Variants in POLE4 observed in about 807,000 individuals in gnomAD.
The protein encoded by POLE4 is DNA polymerase epsilon subunit 4.
Under a neutral mutation model 15.6 loss-of-function variants are expected in POLE4, and 15 were observed. The ratio of observed to expected loss-of-function variants is 0.96; its 90% CI spans 0.64 to 1.48. POLE4 has a LOEUF of 1.48. Among genes scored for constraint, POLE4 ranks in the 40% most tolerant of loss-of-function variants. The pLI is 0.00. For missense variants in POLE4, 205 were observed against 151.9 expected, an observed-to-expected ratio of 1.35 and a Z score of -1.84; for synonymous variants, 83 against 63.2, an observed-to-expected ratio of 1.31 and a Z score of -1.49.
rs1448058049 is a variant in POLE4 at position 74,958,906 on chromosome 2, G to T, written c.213+14G>T. 18 of 1,550,208 alleles carry T rather than the reference G, an allele frequency of 1.2e-5. 1 individual carries two copies. In the South Asian group the frequency reaches 1.5e-4, roughly 13 times the overall value. ...GCACGAGCCGCGGTGCGCCTGCAGC[G>T]CGAGGGCATGCGGGAGTGGGGGAGG... On this transcript the variant is annotated intron_variant, in intron 1 of 3. Coordinates refer to ENST00000483063, the MANE Select transcript of POLE4 (RefSeq NM_019896.4).
chr2:74,969,533 G>T lies in POLE4; in HGVS notation c.*111G>T, dbSNP rs978117569. On this transcript the variant is annotated 3_prime_UTR_variant, in exon 4 of 4. Transcript: ENST00000483063. The stretch of plus-strand genomic sequence containing the variant: ...CTTTGCACTTACACACACTCTTCCT[G>T]TTCTGCCTTCACCTATGCCGGGATA... 3.1e-6 allele frequency: 3 copies of T among 958,328 alleles called. No homozygotes were observed. Among genetic ancestry groups the T allele is most frequent in the African/African-American group, 3.2e-5 (2 of 62,358 alleles). 59.4% of individuals were successfully genotyped at this position (958,328 alleles called of 1,614,324 possible). A position where few individuals can be genotyped will look rare whatever the true frequency, so the allele number is the denominator to read the frequency against.
chr2:74,961,378 A>G (rs1671218820), intron 3 of POLE4: 1 of 152,062 alleles, frequency 6.6e-6, no homozygotes, highest in African/African-American at 2.4e-5. Context: ...TAATTTGCAG[A>G]TTTTTCTTCA....
Position 74,958,692 on chromosome 2 carries a change from G to T in POLE4, c.13G>T (p.Ala5Ser), listed in dbSNP as rs1290998626. 1.6e-5 allele frequency: 24 copies of T among 1,469,736 alleles called. No homozygotes were observed. Among genetic ancestry groups the T allele is most frequent in the Non-Finnish European group, 2.2e-5 (24 of 1,116,240 alleles). The allele number at this position is 1,469,736 out of a possible 1,614,324, so 91.0% of individuals were successfully genotyped here. The part of the protein sequence containing the change: MAAA[A>S]AAGSGTPREE... Reference sequence around the variant, plus strand: ...GCTCAAGGCCGGGATGGCGGCGGCGGCGGCGGCAGGAAGCGGGACGCCCCG... The same window carrying T: ...GCTCAAGGCCGGGATGGCGGCGGCGTCGGCGGCAGGAAGCGGGACGCCCCG... Residue 5 changes from alanine (A) to serine (S), a missense_variant, in exon 1 of 4, where the codon GCG becomes TCG. Transcript: ENST00000483063.
In POLE4 at chr2:74,969,452, C is replaced by T; in HGVS notation, c.*30C>T. ...CGAGCGGGGCAGTTTTGTGAGCCTTCATCTGAAGCCTTCAGTTCACCCCTC... is the reference window on the plus strand; with the variant it reads ...CGAGCGGGGCAGTTTTGTGAGCCTTTATCTGAAGCCTTCAGTTCACCCCTC... On this transcript the variant is annotated 3_prime_UTR_variant, in exon 4 of 4. Transcript: ENST00000483063. The T allele has an allele frequency of 6.2e-7, 1 of 1,610,234 alleles. No individual in the cohort carries two copies. The highest frequency in any genetic ancestry group is 8.5e-7 in the Non-Finnish European group (1 of 1,176,474).
At chr2:74,960,920 C>G in intron 3 of POLE4, 1 of 237,692 alleles carries the variant, frequency 4.2e-6, no homozygotes, top group Admixed American at 4.6e-5. Context: ...CCTCATGTTA[C>G]AGTTGCCTAC....
intron 3 of POLE4, among the ~76,000 whole-genome samples, chr2:74,962,154 C>T (rs1671228659): frequency 6.6e-6 from 1 of 152,118 alleles, no homozygotes; most frequent in African/African-American, 2.4e-5. Flanking sequence ...CCATAAATCC[C>T]CTGCTGTCTT....
intron 3 of POLE4, among the ~76,000 whole-genome samples, chr2:74,965,357 C>T (rs1356873759): frequency 6.6e-6 from 1 of 152,152 alleles, no homozygotes; most frequent in Non-Finnish European, 1.5e-5. Flanking sequence ...CCTCAGCCTC[C>T]CAAAGTGTTG....
At chr2:74,959,479 C>T (rs1388972022) in intron 2 of POLE4, 54 bp downstream of exon 2, 22 of 1,175,380 alleles carry the variant, frequency 1.9e-5, no homozygotes, top group Non-Finnish European at 2.5e-5. Context: ...GGGCTGGTTT[C>T]CCCTTGTGCA....
Position 74,958,862 on chromosome 2 carries a change from G to A in POLE4, c.183G>A (p.Gln61=), listed in dbSNP as rs1221229443. ...ATCCCGACGTGACGCTAGCGGGACA[G>A]GAAGCCATCTTCATTCTGGCACGAG... ...KADPDVTLAG[Q]EAIFILARAA... Residue 61 remains glutamine, a synonymous_variant, in exon 1 of 4, where the codon CAG becomes CAA. Transcript: ENST00000483063. 3 of 1,561,138 alleles carry A rather than the reference G, an allele frequency of 1.9e-6. No homozygotes were observed. The highest frequency in any genetic ancestry group is 1.4e-5 in the African/African-American group (1 of 73,616).
Position 74,969,552 on chromosome 2 carries a change from C to A in POLE4, c.*130C>A. 1 of 849,222 alleles carries A rather than the reference C, an allele frequency of 1.2e-6. No individual in the cohort carries two copies. Among genetic ancestry groups the A allele is most frequent in the Non-Finnish European group, 2.0e-6 (1 of 488,376 alleles). 52.6% of individuals were successfully genotyped at this position (849,222 alleles called of 1,614,324 possible). A position where few individuals can be genotyped will look rare whatever the true frequency, so the allele number is the denominator to read the frequency against. Reference sequence around the variant, plus strand: ...CTTCCTGTTCTGCCTTCACCTATGCCGGGATAAGCAGAGATCTCATCAATT... The same window carrying A: ...CTTCCTGTTCTGCCTTCACCTATGCAGGGATAAGCAGAGATCTCATCAATT... On this transcript the variant is annotated 3_prime_UTR_variant, in exon 4 of 4. Coordinates refer to ENST00000483063, the MANE Select transcript of POLE4 (RefSeq NM_019896.4).
At chr2:74,964,858 C>T (rs1364493669) in intron 3 of POLE4, among the ~76,000 whole-genome samples, 1 of 151,986 alleles carries the variant, frequency 6.6e-6, no homozygotes, top group African/African-American at 2.4e-5. Context: ...CCCTACTGAA[C>T]TGGCTAGAAT....
Position 74,969,553 on chromosome 2 carries a change from G to A in POLE4, c.*131G>A, listed in dbSNP as rs1056687378. 1.1e-5 allele frequency: 9 copies of A among 837,840 alleles called. No individual in the cohort carries two copies. Among genetic ancestry groups the A allele is most frequent in the Admixed American group, 1.7e-5 (1 of 57,716 alleles). The allele number at this position is 837,840 out of a possible 1,614,324, so 51.9% of individuals were successfully genotyped here. A position where few individuals can be genotyped will look rare whatever the true frequency, so the allele number is the denominator to read the frequency against. On this transcript the variant is annotated 3_prime_UTR_variant, in exon 4 of 4. Transcript: ENST00000483063. ...TTCCTGTTCTGCCTTCACCTATGCC[G>A]GGATAAGCAGAGATCTCATCAATTA...
rs72822159 is a variant in POLE4 at position 74,960,635 on chromosome 2, A to G, written c.340+489A>G. The G allele has an allele frequency of 6.6e-3, 3,108 of 474,266 alleles. 14 individuals are homozygous for G. The highest frequency in any genetic ancestry group is 9.2e-3 in the Non-Finnish European group (2,168 of 235,668). 29.4% of individuals were successfully genotyped at this position (474,266 alleles called of 1,614,324 possible). A position where few individuals can be genotyped will look rare whatever the true frequency, so the allele number is the denominator to read the frequency against. ...TACTAACTAAATTTTGTCATTAAAA[A>G]AGAAAATATTTGAAATACCTAATTT... On this transcript the variant is annotated intron_variant, in intron 3 of 3. Transcript: ENST00000483063.
At chr2:74,959,636 C>T (rs951194269) in intron 2 of POLE4, 9 of 510,836 alleles carry the variant, frequency 1.8e-5, no homozygotes, top group Admixed American at 1.1e-4. Context: ...CTGGGGTTGC[C>T]GTAGCGGACT....
At chr2:74,958,935 A>G (rs1399852990) in intron 1 of POLE4, 43 bp downstream of exon 1, 12 of 1,214,204 alleles carry the variant, frequency 9.9e-6, no homozygotes, top group East Asian at 7.1e-5. Flanking sequence ...GGGGAGGTGG[A>G]GTGTGGGGCG....
chr2:74,966,605 A>G (rs192896596), intron 3 of POLE4, among the ~76,000 whole-genome samples: 2 of 152,112 alleles, frequency 1.3e-5, no homozygotes, highest in African/African-American at 4.8e-5. Flanking sequence ...GGGTTTCACC[A>G]TGTTGACCAG....
intron 1 of POLE4, 37 bp downstream of exon 1, chr2:74,958,929 A>AGGTGGAGTGTGGGGC (rs1671169400): frequency 7.8e-7 from 1 of 1,287,554 alleles, no homozygotes; most frequent in African/African-American, 1.6e-5. Flanking sequence ...GGAGTGGGGG[A>AGGTGGAGTGTGGGGC]GGTGGAGTGT....
chr2:74,960,208 A>G (rs1229914428), intron 3 of POLE4, 62 bp downstream of exon 3: 1 of 1,312,362 alleles, frequency 7.6e-7, no homozygotes. Flanking sequence ...TGTGAAATTC[A>G]AAATCTCATA....
chr2:74,959,094 G>A, intron 1 of POLE4: 2 of 612,812 alleles, frequency 3.3e-6, no homozygotes, highest in South Asian at 4.0e-5. Flanking sequence ...CCTGGATAGT[G>A]AGTGACTTTA....
Sources: gnomAD v4.1 joint callset for allele counts (sites outside exome capture counted in the v4.1 genomes callset) on GRCh38, gnomAD v4.1.1 for gene constraint, MANE v1.5 for transcripts, NCBI Gene and HGNC (gene_info 2026-07-23, HGNC 2026-07-21) for gene names.